Variants in AUTS2 observed in about 807,000 individuals in gnomAD.
AUTS2 encodes autism susceptibility gene 2 protein.
Under a neutral mutation model 112.4 loss-of-function variants are expected in AUTS2, and 17 were observed. That is an observed-to-expected ratio of 0.15 (90% CI 0.10 to 0.23). The LOEUF is 0.23. Among genes scored for constraint, AUTS2 ranks in the 10% least tolerant of loss-of-function variants. AUTS2 has a pLI of 1.00. For missense variants in AUTS2, 1,510 were observed against 1,701.6 expected (o/e 0.89, Z 1.98); for synonymous variants, 751 against 702.7 (o/e 1.07, Z -1.09).
intron 5 of AUTS2, among the ~76,000 whole-genome samples, chr7:70,641,726 G>C (rs925247642): frequency 2.6e-5 from 4 of 152,128 alleles, no homozygotes; most frequent in Non-Finnish European, 4.4e-5. Context: ...CAGACACCCA[G>C]CCTCATGTGC....
intron 5 of AUTS2, among the ~76,000 whole-genome samples, chr7:70,481,483 A>G (rs1212324046): frequency 6.6e-6 from 1 of 152,204 alleles, no homozygotes; most frequent in Non-Finnish European, 1.5e-5. Context: ...TCAAGGGAGT[A>G]GGTCCTGTCC....
intron 1 of AUTS2, among the ~76,000 whole-genome samples, chr7:69,879,122 G>C (rs773893084): frequency 4.5e-3 from 23 of 5,166 alleles, no homozygotes; most frequent in Non-Finnish European, 7.4e-3. Flanking sequence ...GAGACTTTCT[G>C]TGTGTGTGTG....
intron 5 of AUTS2, among the ~76,000 whole-genome samples, chr7:70,512,063 A>G (rs984955738): frequency 1.3e-5 from 2 of 152,172 alleles, no homozygotes; most frequent in African/African-American, 4.8e-5. Flanking sequence ...ACTGGCTGGG[A>G]TGTGGCAGAG....
chr7:69,650,010 A>T (rs1202778281), intron 1 of AUTS2, among the ~76,000 whole-genome samples: 1 of 152,164 alleles, frequency 6.6e-6, no homozygotes, highest in African/African-American at 2.4e-5. Context: ...TAGCCATCCA[A>T]ACTGGGCCAG....
At chr7:69,957,384 T>C (rs1206461229) in intron 2 of AUTS2, among the ~76,000 whole-genome samples, 3 of 152,090 alleles carry the variant, frequency 2.0e-5, no homozygotes, top group Admixed American at 6.5e-5. Flanking sequence ...AAGTGAGAAC[T>C]TAGGTTTATA....
rs1412559072 is a variant in AUTS2 at position 70,792,643 on chromosome 7, A to T, written c.*1647A>T. 8.0e-5 allele frequency: 1 copy of T among 12,538 alleles called. No homozygotes were observed. Among genetic ancestry groups the T allele is most frequent in the Non-Finnish European group, 3.0e-4 (1 of 3,368 alleles). The allele number at this position is 12,538 out of a possible 1,614,324, so 0.8% of individuals were successfully genotyped here. A position where few individuals can be genotyped will look rare whatever the true frequency, so the allele number is the denominator to read the frequency against. Reference sequence around the variant, plus strand: ...TTTTTTTTTTTTTAAGACAACAACTAAAAAAAATGCAAGGAATATGTACAC... The same window carrying T: ...TTTTTTTTTTTTTAAGACAACAACTTAAAAAAATGCAAGGAATATGTACAC... On this transcript the variant is annotated 3_prime_UTR_variant, in exon 19 of 19. Transcript: ENST00000342771.
intron 6 of AUTS2, among the ~76,000 whole-genome samples, chr7:70,743,709 A>G (rs907912895): frequency 2.6e-5 from 4 of 152,144 alleles, no homozygotes; most frequent in African/African-American, 9.7e-5. Flanking sequence ...CATTGCCTCT[A>G]GTCAGGGCAT....
At chr7:70,330,580 C>T (rs933367001) in intron 4 of AUTS2, among the ~76,000 whole-genome samples, 1 of 152,118 alleles carries the variant, frequency 6.6e-6, no homozygotes, top group African/African-American at 2.4e-5. Context: ...ACTTTTTTCT[C>T]CTTTTACAAG....
chr7:70,125,496 G>A (rs918561150), intron 3 of AUTS2, among the ~76,000 whole-genome samples: 3 of 152,048 alleles, frequency 2.0e-5, no homozygotes, highest in Non-Finnish European at 4.4e-5. Context: ...GGTTTTCCTC[G>A]CCTTGGGTAT....
In AUTS2 at chr7:69,836,886, G is replaced by A. The variant is rs374271695; in HGVS notation, c.310-62400G>A. ...GGATGATAGCCATAGTTTGTACTTCGAGCTCACTCTAGTGGGGGAAATAGA... is the reference window on the plus strand; with the variant it reads ...GGATGATAGCCATAGTTTGTACTTCAAGCTCACTCTAGTGGGGGAAATAGA... On this transcript the variant is annotated intron_variant, in intron 1 of 18. Coordinates refer to ENST00000342771, the MANE Select transcript of AUTS2 (RefSeq NM_015570.4). Among the ~76,000 whole-genome samples, 10 of 152,250 alleles carry A rather than the reference G, an allele frequency of 6.6e-5. No homozygotes were observed. The South Asian group carries it at 1.9e-3, about 28-fold the overall frequency.
chr7:69,985,901 A>T (rs1798494152), intron 2 of AUTS2, among the ~76,000 whole-genome samples: 1 of 152,074 alleles, frequency 6.6e-6, no homozygotes, highest in African/African-American at 2.4e-5. Context: ...GACTACAGGC[A>T]CGTGCCACCA....
intron 10 of AUTS2, 130 bp downstream of exon 10, chr7:70,768,198 C>A: frequency 1.2e-6 from 1 of 828,460 alleles, no homozygotes; most frequent in Non-Finnish European, 1.9e-6. Context: ...CTCCTCGCCA[C>A]TTTGGATGCT....
At chr7:70,479,508 G>A (rs972491525) in intron 5 of AUTS2, among the ~76,000 whole-genome samples, 3 of 152,090 alleles carry the variant, frequency 2.0e-5, no homozygotes, top group East Asian at 1.9e-4. Context: ...TGCCCTCCAC[G>A]AGTAGCCTAG....
chr7:70,105,822 A>C (rs1804739079), intron 2 of AUTS2, among the ~76,000 whole-genome samples: 1 of 151,242 alleles, frequency 6.6e-6, no homozygotes, highest in African/African-American at 2.4e-5. Flanking sequence ...TGGAGAGAAC[A>C]AATCTACCTG....
intron 4 of AUTS2, among the ~76,000 whole-genome samples, chr7:70,334,744 G>A (rs773149639): frequency 3.3e-5 from 5 of 152,128 alleles, no homozygotes; most frequent in Non-Finnish European, 7.4e-5. Context: ...AAAGTGTCAT[G>A]TAAAACAAAG....
intron 2 of AUTS2, among the ~76,000 whole-genome samples, chr7:70,031,294 CTAA>C (rs1800767088): frequency 1.3e-5 from 2 of 152,118 alleles, no homozygotes; most frequent in Non-Finnish European, 2.9e-5. Flanking sequence ...AGAGCAGCCT[CTAA>C]TAATCTATGG....
chr7:70,548,909 A>G (rs1034910786), intron 5 of AUTS2, among the ~76,000 whole-genome samples: 1 of 136,968 alleles, frequency 7.3e-6, no homozygotes. Context: ...TTTTAGGATC[A>G]TCTTGTCAAT....
intron 15 of AUTS2, chr7:70,782,091 G>A (rs966449189): frequency 1.1e-5 from 3 of 262,348 alleles, no homozygotes; most frequent in South Asian, 6.3e-5. Context: ...CAGATCGGAA[G>A]GAAACAATGC....
At chr7:70,140,200 T>TTTG (rs1289656311) in intron 4 of AUTS2, among the ~76,000 whole-genome samples, 1 of 152,170 alleles carries the variant, frequency 6.6e-6, no homozygotes, top group African/African-American at 2.4e-5. Flanking sequence ...TTGGCAAGGA[T>TTTG]GCCTCATAGA....
Sources: gnomAD v4.1 joint callset for allele counts (sites outside exome capture counted in the v4.1 genomes callset) on GRCh38, gnomAD v4.1.1 for gene constraint, MANE v1.5 for transcripts, NCBI Gene and HGNC (gene_info 2026-07-23, HGNC 2026-07-21) for gene names.